CADM2: variants seen among roughly 807,000 people sequenced by gnomAD.
CADM2 encodes immunoglobulin superfamily member 4D.
CADM2 carries 12 observed loss-of-function variants against 49.8 expected under a neutral mutation model. The ratio of observed to expected loss-of-function variants is 0.24; its 90% CI spans 0.15 to 0.39. The LOEUF (loss-of-function observed/expected upper bound fraction) is 0.39, where lower values mean the gene tolerates loss of function less well. CADM2 is among the 10% of genes least tolerant of loss of function. The pLI is 1.00. For synonymous variants in CADM2, 214 were observed against 175.4 expected, an observed-to-expected ratio of 1.22 and a Z score of -1.74; for missense variants, 378 against 492.3, an observed-to-expected ratio of 0.77 and a Z score of 2.20.
chr3:85,613,472 AG>A (rs2063727839), intron 1 of CADM2, among the ~76,000 whole-genome samples: 1 of 151,814 alleles, frequency 6.6e-6, no homozygotes, highest in East Asian at 1.9e-4. Flanking sequence ...CACAGCATCC[AG>A]GTTTTCATAA....
At position 85,279,179 on chromosome 3, in the gene CADM2, C is replaced by T. The variant is rs2043436238; in HGVS notation, c.61+319511C>T. ...TGCTTTTCTGTAGTATTAATCTCTG[C>T]CACAGAGTCCCTGTAGCTAATCACT... On this transcript the variant is annotated intron_variant, in intron 1 of 9. Transcript: ENST00000383699. 2.0e-5 allele frequency among the ~76,000 whole-genome samples: 3 copies of T among 151,380 alleles called. No individual in the cohort carries two copies. In the South Asian group the frequency reaches 6.2e-4, roughly 31 times the overall value.
At chr3:85,928,008 T>C (rs1720101881) in intron 6 of CADM2, among the ~76,000 whole-genome samples, 1 of 152,154 alleles carries the variant, frequency 6.6e-6, no homozygotes, top group Non-Finnish European at 1.5e-5. Context: ...AGGTCTTTTC[T>C]CTTTTAAAAT....
Position 85,424,331 on chromosome 3 carries a change from TG to T in CADM2, c.62-302190del, listed in dbSNP as rs565529497. Among the ~76,000 whole-genome samples, 721 of 151,524 alleles carry T rather than the reference TG, an allele frequency of 4.8e-3. 2 individuals are homozygous for T. The highest frequency in any genetic ancestry group is 6.8e-3 in the African/African-American group (282 of 41,452). ...AATTATATTTGAAAAATAATATATA[TG>T]TCTTCTATATAAACATATATAAGAA... On this transcript the variant is annotated intron_variant, in intron 1 of 9. Transcript: ENST00000383699.
intron 1 of CADM2, among the ~76,000 whole-genome samples, chr3:85,365,689 A>C (rs2032733550): frequency 6.6e-6 from 1 of 152,290 alleles, no homozygotes; most frequent in South Asian, 2.1e-4. Context: ...ATAAATGAAA[A>C]ATTATTTTAA....
chr3:85,091,893 A>G (rs2037610657), intron 1 of CADM2, among the ~76,000 whole-genome samples: 1 of 152,144 alleles, frequency 6.6e-6, no homozygotes, highest in Non-Finnish European at 1.5e-5. Flanking sequence ...AAACATTTAA[A>G]CATCAAATTC....
intron 1 of CADM2, among the ~76,000 whole-genome samples, chr3:85,592,970 T>G (rs183545326): frequency 1.3e-5 from 2 of 152,048 alleles, no homozygotes; most frequent in East Asian, 3.9e-4. Context: ...TCTCTTCTTG[T>G]GTTAGTTTGC....
rs532652844 is a variant in CADM2, at chr3:85,049,498, A to C, written c.61+89830A>C. 3.3e-3 allele frequency among the ~76,000 whole-genome samples: 508 copies of C among 151,808 alleles called. 5 individuals are homozygous for C. Among genetic ancestry groups the C allele is most frequent in the Non-Finnish European group, 5.0e-3 (338 of 67,912 alleles). ...CCCGAGTAACTGGGATTACAGGCTC[A>C]CACCACCACACCCGGCTATTTCTTT... is the stretch of plus-strand genomic sequence containing the variant. On this transcript the variant is annotated intron_variant, in intron 1 of 9. Transcript: ENST00000383699.
At chr3:85,109,261 C>T (rs144904760) in intron 1 of CADM2, among the ~76,000 whole-genome samples, 185 of 151,912 alleles carry the variant, frequency 1.2e-3, no homozygotes, top group African/African-American at 4.2e-3. Context: ...TTCTTGCTAA[C>T]GAGGGTGTCC....
chr3:85,495,478 C>A (rs913751137), intron 1 of CADM2, among the ~76,000 whole-genome samples: 2 of 152,066 alleles, frequency 1.3e-5, no homozygotes, highest in Non-Finnish European at 2.9e-5. Context: ...GAGGAAAGCC[C>A]TAAAATTATC....
At chr3:85,353,430 G>T (rs2031545188) in intron 1 of CADM2, among the ~76,000 whole-genome samples, 1 of 151,926 alleles carries the variant, frequency 6.6e-6, no homozygotes, top group South Asian at 2.1e-4. Flanking sequence ...ACACATAAAT[G>T]TGCCTGGTTC....
At chr3:85,418,377 G>A (rs1200912536) in intron 1 of CADM2, among the ~76,000 whole-genome samples, 1 of 151,768 alleles carries the variant, frequency 6.6e-6, no homozygotes, top group Non-Finnish European at 1.5e-5. Flanking sequence ...AACTTGGTGG[G>A]GCTAAGAGAT....
chr3:85,122,081 A>G (rs867019760), intron 1 of CADM2, among the ~76,000 whole-genome samples: 1 of 151,594 alleles, frequency 6.6e-6, no homozygotes, highest in Non-Finnish European at 1.5e-5. Context: ...TTCCATTTAT[A>G]TTTGACCTCT....
intron 1 of CADM2, among the ~76,000 whole-genome samples, chr3:85,637,496 G>A (rs1200993473): frequency 3.4e-5 from 5 of 148,852 alleles, no homozygotes; most frequent in African/African-American, 1.2e-4. Context: ...CAGCTACTCG[G>A]GAGGCTGAGG....
At chr3:85,260,471 C>T (rs1224002300) in intron 1 of CADM2, among the ~76,000 whole-genome samples, 1 of 152,080 alleles carries the variant, frequency 6.6e-6, no homozygotes, top group Non-Finnish European at 1.5e-5. Flanking sequence ...CTCAACATAA[C>T]TAAACAAATG....
At chr3:85,354,393 A>AC (rs2031654087) in intron 1 of CADM2, among the ~76,000 whole-genome samples, 1 of 150,146 alleles carries the variant, frequency 6.7e-6, no homozygotes, top group Non-Finnish European at 1.5e-5. Flanking sequence ...TAAGAGATAC[A>AC]CCTAATGCTA....
At chr3:85,384,617 T>G (rs1468384289) in intron 1 of CADM2, among the ~76,000 whole-genome samples, 1 of 151,882 alleles carries the variant, frequency 6.6e-6, no homozygotes. Flanking sequence ...CCCGCCCTCC[T>G]TTTCTTATTG....
At chr3:85,926,480 T>C (rs1373647321) in intron 6 of CADM2, among the ~76,000 whole-genome samples, 1 of 152,192 alleles carries the variant, frequency 6.6e-6, no homozygotes, top group Non-Finnish European at 1.5e-5. Flanking sequence ...TAGTGCATTG[T>C]CTTCTTTAGT....
chr3:85,478,907 T>A (rs1182679112), intron 1 of CADM2, among the ~76,000 whole-genome samples: 1 of 151,970 alleles, frequency 6.6e-6, no homozygotes, highest in Non-Finnish European at 1.5e-5. Context: ...ACTCCTTTGA[T>A]GACTTCCATA....
Position 85,272,407 on chromosome 3 carries a change from T to A in CADM2, c.61+312739T>A, listed in dbSNP as rs193096036. Among the ~76,000 whole-genome samples, 195 of 151,466 alleles carry A rather than the reference T, an allele frequency of 1.3e-3. 2 individuals are homozygous for A. Among genetic ancestry groups the A allele is most frequent in the Non-Finnish European group, 6.1e-4 (41 of 67,534 alleles). ...TGCCATTTTAAATCAAATTTACTTC[T>A]TTTATTCTGAAAAAGAAAAAAAGAT... On this transcript the variant is annotated intron_variant, in intron 1 of 9. Coordinates refer to ENST00000383699, the MANE Select transcript of CADM2 (RefSeq NM_001167675.2).
Sources: allele counts gnomAD v4.1 joint callset (sites outside exome capture counted in the v4.1 genomes callset), GRCh38; gene constraint gnomAD v4.1.1; transcripts MANE v1.5; gene names NCBI Gene and HGNC (gene_info 2026-07-23, HGNC 2026-07-21).